Variants in MYL4 observed in about 807,000 individuals in gnomAD.
MYL4 encodes myosin light chain 4.
MYL4 carries 16 observed loss-of-function variants against 21.6 expected under a neutral mutation model. That is an observed-to-expected ratio of 0.74 (90% confidence interval 0.50 to 1.12). The LOEUF is 1.12. MYL4 is among the 50% of genes most tolerant of loss of function. MYL4 has a pLI of 0.00. For missense variants in MYL4, 249 were observed against 252.9 expected, an observed-to-expected ratio of 0.98 and a Z score of 0.11; for synonymous variants, 82 against 95.7, an observed-to-expected ratio of 0.86 and a Z score of 0.83.
chr17:47,209,395 C>G lies in MYL4; in HGVS notation c.-28C>G. ...TCTCTCGGTTTCTTCTTAGATCACT[C>G]CTCTGCCAAAGATCCCAACAAGACA... On this transcript the variant is annotated 5_prime_UTR_variant, in exon 1 of 7. Coordinates refer to ENST00000393450, the MANE Select transcript of MYL4 (RefSeq NM_002476.2). 1 of 1,614,136 alleles carries G rather than the reference C, an allele frequency of 6.2e-7. No homozygotes were observed. The highest frequency in any genetic ancestry group is 8.5e-7 in the Non-Finnish European group (1 of 1,180,040).
chr17:47,215,353 C>G (rs1429836752), intron 2 of MYL4, among the ~76,000 whole-genome samples: 1 of 152,224 alleles, frequency 6.6e-6, no homozygotes, highest in Admixed American at 6.5e-5. Flanking sequence ...CTCCTGAAGA[C>G]TTTCAGGGCT....
downstream of MYL4, among the ~76,000 whole-genome samples, chr17:47,227,469 C>T (rs1455929183): frequency 6.6e-6 from 1 of 151,848 alleles, no homozygotes; most frequent in African/African-American, 2.4e-5. Flanking sequence ...TGTGTGGATC[C>T]ATTTATATAC....
At chr17:47,202,786 C>G (rs1325922144) in intron 1 of MYL4, among the ~76,000 whole-genome samples, 2 of 152,008 alleles carry the variant, frequency 1.3e-5, no homozygotes, top group Non-Finnish European at 2.9e-5. Flanking sequence ...TTTTTGTAGC[C>G]AATTTACATA....
intron 1 of MYL4, among the ~76,000 whole-genome samples, chr17:47,203,051 A>G (rs1216362518): frequency 6.6e-6 from 1 of 152,120 alleles, no homozygotes; most frequent in African/African-American, 2.4e-5. Flanking sequence ...CCCTAGTTCA[A>G]GCAATTCTCT....
the MYL4 span, among the ~76,000 whole-genome samples, chr17:47,190,384 C>T: frequency 1.3e-5 from 2 of 152,204 alleles, no homozygotes; most frequent in African/African-American, 4.8e-5. Flanking sequence ...TGCTCCCCTT[C>T]TCCCCCCAAA....
intron 2 of MYL4, 65 bp downstream of exon 2, chr17:47,213,891 G>A (rs1187159613): frequency 6.5e-7 from 1 of 1,547,662 alleles, no homozygotes; most frequent in East Asian, 2.2e-5. Flanking sequence ...GGAGGAGGAG[G>A]AAGAAGAGGA....
chr17:47,210,975 G>A (rs1001542164), intron 1 of MYL4, among the ~76,000 whole-genome samples: 2 of 152,096 alleles, frequency 1.3e-5, no homozygotes, highest in African/African-American at 4.8e-5. Context: ...TGGGTTGCCA[G>A]GCCTTGTCCC....
chr17:47,209,422 C>T lies in MYL4; in HGVS notation c.-1C>T. 6.2e-7 allele frequency: 1 copy of T among 1,614,216 alleles called. No individual in the cohort carries two copies. ...TCTGCCAAAGATCCCAACAAGACAA[C>T]ATGGCTCCCAAGAAGCCTGAGCCTA... On this transcript the variant is annotated 5_prime_UTR_variant, in exon 1 of 7. Coordinates refer to ENST00000393450, the MANE Select transcript of MYL4 (RefSeq NM_002476.2).
the MYL4 span, among the ~76,000 whole-genome samples, chr17:47,189,719 A>C: frequency 6.6e-6 from 1 of 152,218 alleles, no homozygotes; most frequent in Non-Finnish European, 1.5e-5. Context: ...ATGAATCAAC[A>C]AGTATTTGTC....
chr17:47,189,996 G>A, the MYL4 span, among the ~76,000 whole-genome samples: 2,124 of 152,244 alleles, frequency 0.014, 23 homozygotes, highest in Non-Finnish European at 0.022. Context: ...TTAAAATGGA[G>A]TTTGAAGGAT....
At chr17:47,192,972 A>T in the MYL4 span, among the ~76,000 whole-genome samples, 1 of 152,150 alleles carries the variant, frequency 6.6e-6, no homozygotes, top group South Asian at 2.1e-4. Flanking sequence ...ATTCAGTCAG[A>T]TTTGGAGGCT....
At chr17:47,207,640 C>T (rs1027451218), upstream of MYL4, among the ~76,000 whole-genome samples, 2 of 152,176 alleles carry the variant, frequency 1.3e-5, no homozygotes, top group African/African-American at 2.4e-5. Context: ...TTTTTTGCCT[C>T]TCTCAGCTTT....
upstream of MYL4, among the ~76,000 whole-genome samples, chr17:47,207,147 A>G (rs1211186421): frequency 6.6e-6 from 1 of 152,200 alleles, no homozygotes; most frequent in Non-Finnish European, 1.5e-5. Flanking sequence ...GCTCAGGACC[A>G]GGGCTGGGCT....
intron 3 of MYL4, 145 bp downstream of exon 3, chr17:47,220,198 C>T: frequency 2.0e-6 from 2 of 1,011,006 alleles, no homozygotes; most frequent in Non-Finnish European, 2.8e-6. Context: ...CCAGCTTACC[C>T]TAGTCCCATT....
chr17:47,205,075 T>G (rs1372736215), upstream of MYL4, among the ~76,000 whole-genome samples: 2 of 151,978 alleles, frequency 1.3e-5, no homozygotes, highest in Non-Finnish European at 2.9e-5. Flanking sequence ...GAGGAGTGAG[T>G]GTTTGCGAGC....
At chr17:47,199,514 A>T (rs771545382), upstream of MYL4, among the ~76,000 whole-genome samples, 1 of 151,992 alleles carries the variant, frequency 6.6e-6, no homozygotes, top group Non-Finnish European at 1.5e-5. Context: ...GATGAATAAG[A>T]GACCATTCCT....
At chr17:47,216,019 T>A (rs2064810976) in intron 2 of MYL4, among the ~76,000 whole-genome samples, 1 of 152,064 alleles carries the variant, frequency 6.6e-6, no homozygotes, top group African/African-American at 2.4e-5. Context: ...CCTCAAGCAA[T>A]CCTCCCACCT....
chr17:47,210,370 A>AT (rs2064765164), intron 1 of MYL4, among the ~76,000 whole-genome samples: 1 of 152,114 alleles, frequency 6.6e-6, no homozygotes, highest in Non-Finnish European at 1.5e-5. Flanking sequence ...TGCTGAAGGA[A>AT]TGGAACTGGT....
At chr17:47,209,782 G>A in intron 1 of MYL4, 2 of 634,744 alleles carry the variant, frequency 3.2e-6, no homozygotes, top group South Asian at 3.8e-5. Context: ...CTTTGAGGGA[G>A]CCCTGTCCTG....
Sources: allele counts gnomAD v4.1 joint callset (sites outside exome capture counted in the v4.1 genomes callset), GRCh38; gene constraint gnomAD v4.1.1; transcripts MANE v1.5; gene names NCBI Gene and HGNC (gene_info 2026-07-23, HGNC 2026-07-21).